SLC6A16: variants seen among roughly 807,000 people sequenced by gnomAD.
The protein encoded by SLC6A16 is orphan sodium- and chloride-dependent neurotransmitter transporter NTT5.
Under a neutral mutation model 65.4 loss-of-function variants are expected in SLC6A16, and 54 were observed. The ratio of observed to expected loss-of-function variants is 0.83; its 90% CI spans 0.66 to 1.04. The LOEUF (loss-of-function observed/expected upper bound fraction) is 1.04. Ranked by LOEUF, SLC6A16 falls within the 50% of genes least tolerant of loss-of-function variation. The probability of loss-of-function intolerance (pLI) is 0.00; values close to 1 mark genes in which losing one functional copy is unlikely to be tolerated. For synonymous variants in SLC6A16, 330 were observed against 346.5 expected, an observed-to-expected ratio of 0.95 and a Z score of 0.53; for missense variants, 816 against 914.0, an observed-to-expected ratio of 0.89 and a Z score of 1.38.
intron 1 of SLC6A16, among the ~76,000 whole-genome samples, chr19:49,316,700 C>CAAATTGAGCAATACAAGAACAAGAATG (rs1479988259): frequency 4.6e-5 from 7 of 151,708 alleles, no homozygotes; most frequent in Non-Finnish European, 8.8e-5. Flanking sequence ...TGAGTAAAGC[C>CAAATTGAGCAATACAAGAACAAGAATG]AAATTGAGCA....
chr19:49,325,853 T>G (rs1233746767), upstream of SLC6A16, among the ~76,000 whole-genome samples: 1 of 152,202 alleles, frequency 6.6e-6, no homozygotes, highest in East Asian at 1.9e-4. Context: ...TTAAAATAAC[T>G]ATAATTTCTA....
intron 1 of SLC6A16, 25 bp downstream of exon 1, chr19:49,325,023 G>A (rs1970776510): frequency 1.0e-6 from 1 of 985,088 alleles, no homozygotes; most frequent in Non-Finnish European, 1.2e-6. Flanking sequence ...GAACATTTTA[G>A]GGCTCCCTGG....
At position 49,293,220 on chromosome 19, in the gene SLC6A16, C is replaced by T; in HGVS notation, c.1778+3G>A. On this transcript the variant is annotated splice_donor_region_variant and intron_variant, in intron 10 of 11. Coordinates refer to ENST00000335875, the MANE Select transcript of SLC6A16 (RefSeq NM_014037.3). ...TTGTGAGAACCTGGGCTTAGGACAT[C>T]ACCTCCTGGCCCCATAGGCCCAGGA... 6.2e-7 allele frequency: 1 copy of T among 1,613,890 alleles called. No individual in the cohort carries two copies. The highest frequency in any genetic ancestry group is 8.5e-7 in the Non-Finnish European group (1 of 1,179,874).
intron 9 of SLC6A16, among the ~76,000 whole-genome samples, chr19:49,293,625 G>A (rs780645101): frequency 2.6e-5 from 4 of 152,156 alleles, no homozygotes; most frequent in Non-Finnish European, 4.4e-5. Context: ...TTAGCCGGGC[G>A]TGGTGATGCA....
At chr19:49,302,709 A>T (rs370251173) in intron 7 of SLC6A16, among the ~76,000 whole-genome samples, 9 of 152,370 alleles carry the variant, frequency 5.9e-5, no homozygotes, top group East Asian at 3.9e-4. Context: ...TCAGTCAATT[A>T]TAAAAGAACA....
chr19:49,313,653 G>A (rs537177992), intron 1 of SLC6A16, among the ~76,000 whole-genome samples: 8 of 147,634 alleles, frequency 5.4e-5, no homozygotes, highest in Non-Finnish European at 1.0e-4. Flanking sequence ...AAAAATAGCC[G>A]GACATGGTGG....
At chr19:49,293,460 G>A in intron 9 of SLC6A16, 78 bp from the exon 10 acceptor site, 7 of 1,439,950 alleles carry the variant, frequency 4.9e-6, no homozygotes, top group Non-Finnish European at 6.7e-6. Flanking sequence ...CCATAGACCA[G>A]GGCTGGTGGC....
At chr19:49,291,582 T>A (rs912617156) in intron 10 of SLC6A16, among the ~76,000 whole-genome samples, 2 of 152,134 alleles carry the variant, frequency 1.3e-5, no homozygotes, top group Non-Finnish European at 1.5e-5. Context: ...CACTATCAGA[T>A]GAAAATGCTG....
At chr19:49,322,749 G>C (rs896200126) in intron 1 of SLC6A16, among the ~76,000 whole-genome samples, 1 of 129,966 alleles carries the variant, frequency 7.7e-6, no homozygotes, top group South Asian at 2.7e-4. Flanking sequence ...AATATCCCAT[G>C]TTCATGGGTT....
At position 49,292,306 on chromosome 19, in the gene SLC6A16, G is replaced by A. The variant is rs577619615; in HGVS notation, c.1778+917C>T. On this transcript the variant is annotated intron_variant, in intron 10 of 11. Coordinates refer to ENST00000335875, the MANE Select transcript of SLC6A16 (RefSeq NM_014037.3). This position sits in a 1 kb window ranked among gnomAD's most constrained non-coding sequence, Gnocchi z 4.3. ...TGCTTGAACCCGGGAGGCGGAGGTT[G>A]CAGTGAGCTGAGATCGCACCACTGC... Among the ~76,000 whole-genome samples the A allele has an allele frequency of 7.9e-5, 12 of 152,254 alleles. No individual in the cohort carries two copies. The East Asian group carries it at 2.3e-3, about 29-fold the overall frequency.
At position 49,309,844 on chromosome 19, in the gene SLC6A16, T is replaced by C; in HGVS notation, c.701-18A>G. On this transcript the variant is annotated intron_variant, in intron 4 of 11. Coordinates refer to ENST00000335875, the MANE Select transcript of SLC6A16 (RefSeq NM_014037.3). ...TTCAGGATCTGGGGGGACCTGGCTT[T>C]AGACATGCCTGCTAGACAAGGTACC... 1 of 1,603,648 alleles carries C rather than the reference T, an allele frequency of 6.2e-7. No individual in the cohort carries two copies. Among genetic ancestry groups the C allele is most frequent in the Non-Finnish European group, 8.5e-7 (1 of 1,171,506 alleles).
intron 1 of SLC6A16, among the ~76,000 whole-genome samples, chr19:49,316,200 G>A (rs1466386979): frequency 6.6e-6 from 1 of 152,030 alleles, no homozygotes; most frequent in Non-Finnish European, 1.5e-5. Flanking sequence ...TAAATATAGA[G>A]TAAAATCCTG....
the SLC6A16 span, chr19:49,339,257 C>A: frequency 7.3e-7 from 1 of 1,371,240 alleles, no homozygotes; most frequent in Non-Finnish European, 1.0e-6. This position sits in a 1 kb window ranked among gnomAD's most constrained non-coding sequence, Gnocchi z 4.5. Context: ...TGAGGGTTGG[C>A]CTGAAAAGAA....
chr19:49,311,541 CT>C (rs1427154764), intron 1 of SLC6A16, 130 bp from the exon 2 acceptor site: 1 of 525,216 alleles, frequency 1.9e-6, no homozygotes, highest in Non-Finnish European at 3.2e-6. Context: ...AAAAAAATCT[CT>C]TGCATAAGTT....
At chr19:49,321,454 G>A (rs1412170453) in intron 1 of SLC6A16, among the ~76,000 whole-genome samples, 1 of 152,022 alleles carries the variant, frequency 6.6e-6, no homozygotes, top group Non-Finnish European at 1.5e-5. Flanking sequence ...ACCAGCCTGG[G>A]GCCAGGTGCA....
chr19:49,339,606 G>T, the SLC6A16 span: 3 of 1,439,740 alleles, frequency 2.1e-6, no homozygotes, highest in Non-Finnish European at 2.7e-6. The surrounding 1 kb of genome is among the most constrained non-coding windows in gnomAD (Gnocchi z 4.5). Flanking sequence ...TTGGGTGTAC[G>T]CAGGGAAAGC....
chr19:49,331,837 G>A, the SLC6A16 span: 16 of 456,892 alleles, frequency 3.5e-5, no homozygotes, highest in Non-Finnish European at 7.0e-5. Context: ...GTGTGCCTAG[G>A]AAAGAAGAAA....
chr19:49,293,970 G>A lies in SLC6A16; in HGVS notation c.1475C>T (p.Pro492Leu), dbSNP rs777333300. ...LSFVEAMSFLPPSVFWSFIFF... is the reference protein window; with the variant it reads ...LSFVEAMSFLLPSVFWSFIFF... ...GATAAAAGACCAGAAGACAGACGGA[G>A]GAAGGAAGGACATGGCTTCAACAAA... The change falls in exon 9 of 12, where the codon CCT becomes CTT. Residue 492 changes from proline (P) to leucine (L), a missense_variant. By Grantham distance (98) the Pro-to-Leu change is moderately conservative. Transcript: ENST00000335875. 37 of 1,613,586 alleles carry A rather than the reference G, an allele frequency of 2.3e-5. No homozygotes were observed. The highest frequency in any genetic ancestry group is 3.0e-5 in the Non-Finnish European group (35 of 1,180,022).
intron 1 of SLC6A16, among the ~76,000 whole-genome samples, chr19:49,316,871 A>AAAATT (rs1970621468): frequency 6.6e-6 from 1 of 151,642 alleles, no homozygotes; most frequent in Non-Finnish European, 1.5e-5. Flanking sequence ...AAAAAAAAAA[A>AAAATT]AAAATTAAAA....
Sources: gnomAD v4.1 joint callset for allele counts (sites outside exome capture counted in the v4.1 genomes callset) on GRCh38, gnomAD v4.1.1 for gene constraint, Gnocchi (gnomAD v3.1) non-coding constraint, MANE v1.5 for transcripts, NCBI Gene and HGNC (gene_info 2026-07-23, HGNC 2026-07-21) for gene names.